The following SGCD variants were observed in gnomAD, a reference collection of about 807,000 sequenced individuals.
SGCD encodes delta-sarcoglycan.
In SGCD, 18 loss-of-function variants were observed where a neutral mutation model predicts 36.6. That is an observed-to-expected ratio of 0.49 (90% CI 0.34 to 0.73). SGCD has a LOEUF of 0.73. Ranked by LOEUF, SGCD falls within the 30% of genes least tolerant of loss-of-function variation. The pLI, the probability that SGCD is intolerant of heterozygous loss-of-function variation, is 0.01. For synonymous variants in SGCD, 133 were observed against 130.6 expected (o/e 1.02, Z -0.12); for missense variants, 387 against 346.7 (o/e 1.12, Z -0.92).
chr5:156,274,426 G>A (rs1009620518), intron 3 of SGCD, among the ~76,000 whole-genome samples: 6 of 152,000 alleles, frequency 3.9e-5, no homozygotes, highest in Admixed American at 3.3e-4. Context: ...AATGGCCTAT[G>A]AGCATATTAG....
chr5:156,646,912 C>G (rs1346148902), intron 6 of SGCD, among the ~76,000 whole-genome samples: 1 of 152,156 alleles, frequency 6.6e-6, no homozygotes, highest in African/African-American at 2.4e-5. Flanking sequence ...AGTGTAAAAG[C>G]TCTGAACTTC....
At chr5:155,812,577 A>G in the SGCD span, among the ~76,000 whole-genome samples, 1 of 152,248 alleles carries the variant, frequency 6.6e-6, no homozygotes, top group Non-Finnish European at 1.5e-5. Context: ...TGCCTTCAGC[A>G]TGTCAATAGG....
At chr5:156,692,430 G>A (rs1323655352) in intron 7 of SGCD, among the ~76,000 whole-genome samples, 3 of 152,294 alleles carry the variant, frequency 2.0e-5, no homozygotes, top group East Asian at 3.9e-4. Flanking sequence ...ATTAGATTTT[G>A]CGCCAGCTGA....
chr5:156,409,927 C>G (rs528882109), intron 3 of SGCD, among the ~76,000 whole-genome samples: 1 of 152,066 alleles, frequency 6.6e-6, no homozygotes, highest in African/African-American at 2.4e-5. Context: ...CCACAGAAAC[C>G]CTGTACAAAT....
At chr5:156,228,833 T>C (rs1764923767) in intron 3 of SGCD, among the ~76,000 whole-genome samples, 1 of 152,140 alleles carries the variant, frequency 6.6e-6, no homozygotes, top group Non-Finnish European at 1.5e-5. Context: ...TTAGCCATCC[T>C]TATAGTGGTG....
intron 1 of SGCD, among the ~76,000 whole-genome samples, chr5:155,963,207 A>G (rs1757826257): frequency 6.6e-6 from 1 of 152,112 alleles, no homozygotes; most frequent in Non-Finnish European, 1.5e-5. Flanking sequence ...CCCATCATAA[A>G]TGTTCAATAA....
the SGCD span, among the ~76,000 whole-genome samples, chr5:155,790,524 A>G: frequency 6.6e-6 from 1 of 152,110 alleles, no homozygotes; most frequent in African/African-American, 2.4e-5. Flanking sequence ...ACATGTCTAT[A>G]TCAAAGTGAT....
At chr5:155,890,403 T>A (rs1187522271) in intron 1 of SGCD, among the ~76,000 whole-genome samples, 2 of 152,026 alleles carry the variant, frequency 1.3e-5, no homozygotes, top group Non-Finnish European at 2.9e-5. Context: ...GTGGGCAGGA[T>A]CACTTAATTT....
chr5:156,691,342 C>T (rs1001710102), intron 7 of SGCD, among the ~76,000 whole-genome samples: 1 of 151,920 alleles, frequency 6.6e-6, no homozygotes, highest in African/African-American at 2.4e-5. Flanking sequence ...GCATGCTGGC[C>T]ATAGTGCGAG....
At chr5:156,167,791 G>T (rs1259737244) in intron 3 of SGCD, among the ~76,000 whole-genome samples, 3 of 152,166 alleles carry the variant, frequency 2.0e-5, no homozygotes, top group African/African-American at 7.2e-5. Flanking sequence ...GCAGATGCTG[G>T]TGCCATGCTT....
the SGCD span, among the ~76,000 whole-genome samples, chr5:155,858,942 GT>G: frequency 2.7e-5 from 4 of 148,500 alleles, no homozygotes; most frequent in Non-Finnish European, 3.0e-5. Flanking sequence ...GGCAATGCAG[GT>G]TTTTTTTTTT....
intron 3 of SGCD, among the ~76,000 whole-genome samples, chr5:156,170,719 A>C (rs1042505168): frequency 2.6e-5 from 4 of 152,178 alleles, no homozygotes; most frequent in South Asian, 2.1e-4. Context: ...AACATCTATC[A>C]TATTAGGAAA....
chr5:156,188,513 G>T (rs1215285779), intron 3 of SGCD, among the ~76,000 whole-genome samples: 1 of 152,026 alleles, frequency 6.6e-6, no homozygotes, highest in Non-Finnish European at 1.5e-5. Context: ...TTCCTGTGTT[G>T]CAAAAGGCTT....
intron 3 of SGCD, among the ~76,000 whole-genome samples, chr5:156,399,465 G>A (rs1198717702): frequency 6.6e-6 from 1 of 152,146 alleles, no homozygotes; most frequent in Non-Finnish European, 1.5e-5. Flanking sequence ...AAATAGTTCT[G>A]TCTGTGAGGA....
intron 1 of SGCD, among the ~76,000 whole-genome samples, chr5:155,940,936 G>T (rs749273870): frequency 1.4e-4 from 22 of 152,028 alleles, no homozygotes; most frequent in Non-Finnish European, 2.8e-4. Flanking sequence ...CATGAGGAGT[G>T]TCTTAGTCTA....
At chr5:156,329,835 G>A (rs1398338433) in intron 2 of SGCD, among the ~76,000 whole-genome samples, 2 of 151,924 alleles carry the variant, frequency 1.3e-5, no homozygotes, top group Admixed American at 1.3e-4. Context: ...GGCTAACACG[G>A]TGAAATCCCA....
chr5:156,244,075 G>C (rs1455251898), intron 3 of SGCD, among the ~76,000 whole-genome samples: 1 of 152,176 alleles, frequency 6.6e-6, no homozygotes, highest in African/African-American at 2.4e-5. Flanking sequence ...TGATCATAAT[G>C]TGATGAATCA....
intron 7 of SGCD, among the ~76,000 whole-genome samples, chr5:156,684,520 C>G (rs957872778): frequency 1.3e-5 from 2 of 152,208 alleles, no homozygotes; most frequent in Admixed American, 1.3e-4. Flanking sequence ...TTCCGTATCC[C>G]TTTTATCTAT....
chr5:155,728,395 G>A, the SGCD span, among the ~76,000 whole-genome samples: 1 of 152,216 alleles, frequency 6.6e-6, no homozygotes, highest in Non-Finnish European at 1.5e-5. Flanking sequence ...CTCAGCCTCT[G>A]GTCCCAGGCG....
Sources: allele counts gnomAD v4.1 joint callset (sites outside exome capture counted in the v4.1 genomes callset), GRCh38; gene constraint gnomAD v4.1.1; transcripts MANE v1.5; gene names NCBI Gene and HGNC (gene_info 2026-07-23, HGNC 2026-07-21).